GRM8: variants seen among roughly 807,000 people sequenced by gnomAD.
GRM8 encodes glutamate metabotropic receptor 8.
Under a neutral mutation model 87.2 loss-of-function variants are expected in GRM8, and 47 were observed. That is an observed-to-expected ratio of 0.54 (90% CI 0.43 to 0.69). The LOEUF (loss-of-function observed/expected upper bound fraction) is 0.69. Ranked by LOEUF, GRM8 falls within the 30% of genes least tolerant of loss-of-function variation. The pLI is 0.00. For missense variants in GRM8, 1,019 were observed against 1,139.2 expected (o/e 0.89, Z 1.52); for synonymous variants, 396 against 404.5 (o/e 0.98, Z 0.25).
intron 6 of GRM8, among the ~76,000 whole-genome samples, chr7:126,829,005 A>G (rs946566968): frequency 4.6e-5 from 7 of 151,976 alleles, no homozygotes; most frequent in African/African-American, 1.7e-4. Flanking sequence ...CATGTAGTTG[A>G]GAGGTTTTGA....
At chr7:126,695,326 CTA>C (rs1809263419) in intron 7 of GRM8, among the ~76,000 whole-genome samples, 1 of 152,092 alleles carries the variant, frequency 6.6e-6, no homozygotes, top group Non-Finnish European at 1.5e-5. Flanking sequence ...GTATAATGTA[CTA>C]GAGACATAAG....
Position 126,463,332 on chromosome 7 carries a change from G to A in GRM8, c.2431-16960C>T, listed in dbSNP as rs1160695280. Among the ~76,000 whole-genome samples, 6 of 151,552 alleles carry A rather than the reference G, an allele frequency of 4.0e-5. No homozygotes were observed. The East Asian group carries it at 1.2e-3, about 30-fold the overall frequency. ...ACTTTGAATTATTTTCCTACAAGTG[G>A]TGGATACGTATCGTATAACTGGTTA... On this transcript the variant is annotated intron_variant, in intron 9 of 10. Coordinates refer to ENST00000339582, the MANE Select transcript of GRM8 (RefSeq NM_000845.3).
At chr7:127,140,014 G>A (rs1052152971) in intron 2 of GRM8, among the ~76,000 whole-genome samples, 2 of 152,108 alleles carry the variant, frequency 1.3e-5, no homozygotes, top group Non-Finnish European at 2.9e-5. Context: ...CATCTCCAGG[G>A]CAGCATATGC....
intron 2 of GRM8, among the ~76,000 whole-genome samples, chr7:127,132,617 T>C (rs1255763524): frequency 6.6e-6 from 1 of 152,042 alleles, no homozygotes; most frequent in Non-Finnish European, 1.5e-5. Context: ...TCTCACTTTA[T>C]TTGAAGGGTC....
intron 2 of GRM8, among the ~76,000 whole-genome samples, chr7:127,120,170 T>C (rs1288035570): frequency 6.6e-6 from 1 of 152,210 alleles, no homozygotes; most frequent in African/African-American, 2.4e-5. Flanking sequence ...TTATGAAGTT[T>C]CCAACTATGC....
At chr7:126,853,614 A>G (rs886896188) in intron 6 of GRM8, among the ~76,000 whole-genome samples, 3 of 151,702 alleles carry the variant, frequency 2.0e-5, no homozygotes, top group Non-Finnish European at 4.4e-5. Context: ...CTTAAATTCG[A>G]TATCATTGCA....
chr7:126,678,816 T>G (rs1021341598), intron 7 of GRM8, among the ~76,000 whole-genome samples: 3 of 152,064 alleles, frequency 2.0e-5, no homozygotes, highest in African/African-American at 7.2e-5. Context: ...GAGTGGGAGG[T>G]TGCTCCAATT....
intron 2 of GRM8, among the ~76,000 whole-genome samples, chr7:127,156,987 A>G: frequency 6.6e-6 from 1 of 152,206 alleles, no homozygotes; most frequent in East Asian, 1.9e-4. Flanking sequence ...TATAAAGTGT[A>G]ATAGTTAAGA....
At chr7:126,734,638 A>T (rs1205476012) in intron 7 of GRM8, among the ~76,000 whole-genome samples, 1 of 151,964 alleles carries the variant, frequency 6.6e-6, no homozygotes, top group Non-Finnish European at 1.5e-5. Context: ...CTTACAACAC[A>T]AAATGAAGAT....
At position 127,217,472 on chromosome 7, in the gene GRM8, C is replaced by T. The variant is rs141473226; in HGVS notation, c.510+25223G>A. ...TTACTTCATGCTATCACCCTGAATT[C>T]AGGGAATCAGAACTTCCCAAAGGGT... On this transcript the variant is annotated intron_variant, in intron 2 of 10. Transcript: ENST00000339582. Among the ~76,000 whole-genome samples the T allele has an allele frequency of 1.4e-3, 218 of 152,340 alleles. 1 individual carries two copies. Among genetic ancestry groups the T allele is most frequent in the African/African-American group, 5.1e-3 (210 of 41,578 alleles).
intron 2 of GRM8, 136 bp from the exon 3 acceptor site, chr7:127,106,848 T>A: frequency 1.5e-6 from 1 of 645,704 alleles, no homozygotes; most frequent in Non-Finnish European, 2.8e-6. Flanking sequence ...GTTTTATGAC[T>A]ACCAATTTAA....
chr7:126,474,630 A>G (rs1227438412), intron 9 of GRM8, among the ~76,000 whole-genome samples: 2 of 152,160 alleles, frequency 1.3e-5, no homozygotes, highest in Admixed American at 1.3e-4. Flanking sequence ...AGAGTCCTAG[A>G]GATAGGCCGT....
At chr7:127,081,532 G>A (rs531401826) in intron 3 of GRM8, among the ~76,000 whole-genome samples, 1 of 152,256 alleles carries the variant, frequency 6.6e-6, no homozygotes, top group East Asian at 1.9e-4. Flanking sequence ...GTTAATGCCT[G>A]TCTCTCTCCC....
At chr7:126,519,780 T>C (rs769702309) in intron 9 of GRM8, among the ~76,000 whole-genome samples, 1 of 152,154 alleles carries the variant, frequency 6.6e-6, no homozygotes, top group African/African-American at 2.4e-5. Context: ...TCAGTGCTTA[T>C]GTAGCTAGCA....
intron 7 of GRM8, among the ~76,000 whole-genome samples, chr7:126,664,230 T>C (rs1805520478): frequency 6.6e-6 from 1 of 152,162 alleles, no homozygotes; most frequent in African/African-American, 2.4e-5. Context: ...ATCTACAGAT[T>C]CAATGCTATT....
intron 6 of GRM8, among the ~76,000 whole-genome samples, chr7:126,855,753 G>T (rs939993820): frequency 6.6e-6 from 1 of 152,142 alleles, no homozygotes; most frequent in African/African-American, 2.4e-5. Context: ...GGGATTACAG[G>T]TGTGAGCCAC....
chr7:127,189,172 G>A (rs1038471183), intron 2 of GRM8, among the ~76,000 whole-genome samples: 1 of 152,154 alleles, frequency 6.6e-6, no homozygotes. Context: ...GACCTAAGCA[G>A]GTTTGAGCTA....
intron 9 of GRM8, among the ~76,000 whole-genome samples, chr7:126,470,387 G>T (rs911626881): frequency 7.9e-6 from 1 of 127,154 alleles, no homozygotes; most frequent in Non-Finnish European, 1.5e-5. Flanking sequence ...TCCCCTTCCT[G>T]TGTCCATGTG....
chr7:126,653,050 T>C (rs529165067), intron 7 of GRM8, among the ~76,000 whole-genome samples: 43 of 152,032 alleles, frequency 2.8e-4, no homozygotes, highest in African/African-American at 8.4e-4. Flanking sequence ...CTATGCACTT[T>C]AGGGAAAACT....
Sources: gnomAD v4.1 joint callset for allele counts (sites outside exome capture counted in the v4.1 genomes callset) on GRCh38, gnomAD v4.1.1 for gene constraint, MANE v1.5 for transcripts, NCBI Gene and HGNC (gene_info 2026-07-23, HGNC 2026-07-21) for gene names.